The following GRIA4 variants were observed in gnomAD, a reference collection of about 807,000 sequenced individuals.
The protein encoded by GRIA4 is glutamate ionotropic receptor AMPA type subunit 4.
A neutral mutation model predicts 104.0 loss-of-function variants in GRIA4; 34 were observed. That is an observed-to-expected ratio of 0.33 (90% CI 0.25 to 0.44). The LOEUF is 0.44. Ranked by LOEUF, GRIA4 falls within the 20% of genes least tolerant of loss-of-function variation. The probability of loss-of-function intolerance (pLI) is 1.00; values close to 1 mark genes in which losing one functional copy is unlikely to be tolerated. For missense variants in GRIA4, 750 were observed against 1,096.5 expected (o/e 0.68, Z 4.46); for synonymous variants, 386 against 381.9 (o/e 1.01, Z -0.13).
At chr11:105,803,300 A>C (rs1414731841) in intron 4 of GRIA4, among the ~76,000 whole-genome samples, 1 of 151,954 alleles carries the variant, frequency 6.6e-6, no homozygotes, top group African/African-American at 2.4e-5. Flanking sequence ...TCCATGTTAG[A>C]GAGAAGAAGA....
At chr11:105,874,882 A>G (rs1945757946) in intron 5 of GRIA4, among the ~76,000 whole-genome samples, 1 of 152,102 alleles carries the variant, frequency 6.6e-6, no homozygotes, top group Admixed American at 6.6e-5. Flanking sequence ...AACTTCCTCT[A>G]TTCCTATCTG....
chr11:105,651,081 A>C (rs1262847677), intron 3 of GRIA4, among the ~76,000 whole-genome samples: 1 of 152,176 alleles, frequency 6.6e-6, no homozygotes, highest in Non-Finnish European at 1.5e-5. Flanking sequence ...TCTCATGGAT[A>C]TCACTTGTCA....
intron 3 of GRIA4, among the ~76,000 whole-genome samples, chr11:105,719,630 A>T (rs1263848510): frequency 6.6e-6 from 1 of 151,824 alleles, no homozygotes; most frequent in Non-Finnish European, 1.5e-5. Context: ...AAAACTAATG[A>T]CTCTGAAGCC....
intron 4 of GRIA4, among the ~76,000 whole-genome samples, chr11:105,755,090 C>G (rs1940224452): frequency 1.3e-5 from 2 of 152,042 alleles, no homozygotes; most frequent in Admixed American, 6.6e-5. Flanking sequence ...ATATGCATAT[C>G]CTGCTATTGC....
intron 4 of GRIA4, among the ~76,000 whole-genome samples, chr11:105,802,451 CT>C (rs1287646207): frequency 3.9e-5 from 6 of 152,052 alleles, no homozygotes; most frequent in African/African-American, 1.4e-4. Flanking sequence ...CTTCAATGAC[CT>C]AGCTGTCAAG....
intron 8 of GRIA4, 133 bp from the exon 9 acceptor site, chr11:105,905,064 C>T: frequency 1.7e-6 from 1 of 605,872 alleles, no homozygotes; most frequent in Non-Finnish European, 2.9e-6. Context: ...GCTCAAATAC[C>T]TAATGGCATT....
intron 14 of GRIA4, among the ~76,000 whole-genome samples, chr11:105,963,749 A>T (rs1948796595): frequency 6.6e-6 from 1 of 152,128 alleles, no homozygotes; most frequent in Admixed American, 6.5e-5. Context: ...GATTCCAAAC[A>T]ATTTTCTCAA....
rs1266232093 is a variant in GRIA4, at chr11:105,684,532, A to AAT, written c.248-68437_248-68436dup. On this transcript the variant is annotated intron_variant, in intron 3 of 16. Coordinates refer to ENST00000282499, the MANE Select transcript of GRIA4 (RefSeq NM_000829.4). ...TTCTTTTCTGAGTAAAAATAAGGCAAATATATATATATACATATATATATA... is the reference window on the plus strand; with the variant it reads ...TTCTTTTCTGAGTAAAAATAAGGCAAATATATATATATATACATATATATATA... Among the ~76,000 whole-genome samples, 136 of 58,028 alleles carry AAT rather than the reference A, an allele frequency of 2.3e-3. 1 individual carries two copies. Among genetic ancestry groups the AAT allele is most frequent in the Non-Finnish European group, 3.7e-3 (97 of 26,072 alleles). The allele number at this position is 58,028 out of a possible 152,430, so 38.1% of individuals were successfully genotyped here.
rs367617243 is a variant in GRIA4 at position 105,693,621 on chromosome 11, G to T, written c.248-59360G>T. ...TTACCCTCTTGCTTTGTAAATGCTG[G>T]TTTACATTTTTGATCATTGTAAACG... On this transcript the variant is annotated intron_variant, in intron 3 of 16. Coordinates refer to ENST00000282499, the MANE Select transcript of GRIA4 (RefSeq NM_000829.4). Among the ~76,000 whole-genome samples the T allele has an allele frequency of 1.9e-4, 29 of 152,138 alleles. No homozygotes were observed. In the East Asian group the frequency reaches 5.6e-3, roughly 29 times the overall value.
chr11:105,753,114 G>A lies in GRIA4; in HGVS notation c.381G>A (p.Glu127=). ...CACCAAGTTTCCCTACTGAGGGGGA[G>A]AGCCAGTTTGTGCTGCAACTAAGAC... The part of the protein sequence containing the change: ...LITPSFPTEG[E]SQFVLQLRPS... Residue 127 remains glutamate (E), a synonymous_variant, in exon 4 of 17, where the codon GAG becomes GAA. Transcript: ENST00000282499. The A allele has an allele frequency of 6.2e-7, 1 of 1,613,848 alleles. No homozygotes were observed. The highest frequency in any genetic ancestry group is 1.1e-5 in the South Asian group (1 of 91,082).
intron 6 of GRIA4, among the ~76,000 whole-genome samples, chr11:105,897,046 G>C (rs1459984970): frequency 1.3e-5 from 2 of 152,002 alleles, no homozygotes; most frequent in Non-Finnish European, 2.9e-5. Context: ...CATGAGCATG[G>C]GATGTTTTTC....
At chr11:105,686,978 CTTAG>C (rs1212363420) in intron 3 of GRIA4, among the ~76,000 whole-genome samples, 2 of 151,918 alleles carry the variant, frequency 1.3e-5, no homozygotes, top group African/African-American at 2.4e-5. Context: ...TTGTTGGATG[CTTAG>C]TTAGTGAAAT....
At chr11:105,767,283 A>G (rs1328616373) in intron 4 of GRIA4, among the ~76,000 whole-genome samples, 2 of 152,280 alleles carry the variant, frequency 1.3e-5, no homozygotes, top group African/African-American at 4.8e-5. Context: ...TAGGAAATGC[A>G]TGGAATTCAT....
chr11:105,715,397 C>A (rs1026851077), intron 3 of GRIA4, among the ~76,000 whole-genome samples: 2 of 152,144 alleles, frequency 1.3e-5, no homozygotes, highest in African/African-American at 4.8e-5. Flanking sequence ...TTAATCCCCA[C>A]TGAAAATAAA....
chr11:105,969,867 C>T (rs1211990071), intron 14 of GRIA4, among the ~76,000 whole-genome samples: 1 of 152,138 alleles, frequency 6.6e-6, no homozygotes, highest in African/African-American at 2.4e-5. Flanking sequence ...GAGTCAGCTA[C>T]TCTGGAAAAT....
chr11:105,872,779 T>C (rs963583932), intron 5 of GRIA4, among the ~76,000 whole-genome samples: 6 of 152,112 alleles, frequency 3.9e-5, no homozygotes, highest in Non-Finnish European at 7.4e-5. Context: ...CTTTTGGAAT[T>C]ATCATGTTCA....
intron 12 of GRIA4, among the ~76,000 whole-genome samples, chr11:105,925,175 G>T (rs1275628455): frequency 6.6e-6 from 1 of 151,880 alleles, no homozygotes; most frequent in Non-Finnish European, 1.5e-5. Context: ...AATTAATGTT[G>T]GACTTAATTC....
rs779194677 is a variant in GRIA4, at chr11:105,898,373, T to C, written c.831T>C (p.Asp277=). ...CACCTATGGTAATCAAACTAATGGA[T>C]CGCTGGAAGAAACTAGATCAGAGAG... ...FNTPMVIKLM[D]RWKKLDQREY... The change falls in exon 7 of 17, where the codon GAT becomes GAC. Residue 277 remains aspartate, a synonymous_variant. Coordinates refer to ENST00000282499, the MANE Select transcript of GRIA4 (RefSeq NM_000829.4). The C allele has an allele frequency of 8.8e-6, 14 of 1,595,218 alleles. No individual in the cohort carries two copies. The highest frequency in any genetic ancestry group is 1.2e-5 in the Non-Finnish European group (14 of 1,163,096).
chr11:105,654,355 GA>G (rs920132218), intron 3 of GRIA4, among the ~76,000 whole-genome samples: 102 of 138,144 alleles, frequency 7.4e-4, no homozygotes, highest in East Asian at 1.7e-3. Flanking sequence ...TGCCCCCACT[GA>G]AAAAAAAAAA....
Sources: gnomAD v4.1 joint callset for allele counts (sites outside exome capture counted in the v4.1 genomes callset) on GRCh38, gnomAD v4.1.1 for gene constraint, MANE v1.5 for transcripts, NCBI Gene and HGNC (gene_info 2026-07-23, HGNC 2026-07-21) for gene names.